Variants in GANAB observed in about 807,000 individuals in gnomAD.
GANAB encodes the protein neutral alpha-glucosidase AB.
In GANAB, 35 loss-of-function variants were observed where a neutral mutation model predicts 129.9. The observed-to-expected ratio is 0.27, with a 90% CI of 0.21 to 0.36. The LOEUF (loss-of-function observed/expected upper bound fraction) is 0.36, where lower values mean the gene tolerates loss of function less well. Ranked by LOEUF, GANAB falls within the 10% of genes least tolerant of loss-of-function variation. GANAB has a pLI of 1.00. For missense variants in GANAB, 939 were observed against 1,221.0 expected (o/e 0.77, Z 3.44); for synonymous variants, 482 against 451.8 (o/e 1.07, Z -0.85).
intron 17 of GANAB, among the ~76,000 whole-genome samples, chr11:62,627,970 G>A (rs536657138): frequency 6.6e-6 from 1 of 152,258 alleles, no homozygotes; most frequent in East Asian, 1.9e-4. Context: ...TTGCAACCCT[G>A]GCTTGCAAGG....
chr11:62,646,086 G>A (rs972902682), intron 1 of GANAB, among the ~76,000 whole-genome samples: 3 of 152,194 alleles, frequency 2.0e-5, no homozygotes, highest in Non-Finnish European at 4.4e-5. Context: ...GGGCAGAGGA[G>A]GATTCGGAGC....
At chr11:62,631,754 C>T (rs1238985401) in intron 9 of GANAB, among the ~76,000 whole-genome samples, 1 of 152,010 alleles carries the variant, frequency 6.6e-6, no homozygotes, top group Non-Finnish European at 1.5e-5. Flanking sequence ...AGCCACTGCA[C>T]CCGGCATCAT....
intron 15 of GANAB, 106 bp downstream of exon 15, chr11:62,629,482 G>C (rs1943558249): frequency 3.6e-6 from 3 of 841,428 alleles, no homozygotes; most frequent in African/African-American, 1.7e-5. Flanking sequence ...AGAGGAAACA[G>C]ATGCAGTGTG....
At chr11:62,640,228 C>CAAAAGAAAAAAAAAAAAA (rs1944172793) in intron 1 of GANAB, among the ~76,000 whole-genome samples, 1 of 28,022 alleles carries the variant, frequency 3.6e-5, no homozygotes, top group Non-Finnish European at 5.3e-5. Flanking sequence ...CAGAGCTAGA[C>CAAAAGAAAAAAAAAAAAA]AAAAAAAAAA....
In GANAB at chr11:62,630,513, C is replaced by G. The variant is rs1261003169; in HGVS notation, c.1387-8G>C. ...GTCTACGATGGCCACCAGCTGGGGG[C>G]AAGGAACAGGGGTGTTCAGGTCTCT... On this transcript the variant is annotated splice_region_variant and splice_polypyrimidine_tract_variant and intron_variant, in intron 11 of 23. Transcript: ENST00000356638. 1 of 1,614,046 alleles carries G rather than the reference C, an allele frequency of 6.2e-7. No individual in the cohort carries two copies. Among genetic ancestry groups the G allele is most frequent in the African/African-American group, 1.3e-5 (1 of 74,918 alleles).
chr11:62,639,242 T>C lies in GANAB; in HGVS notation c.252+117A>G, dbSNP rs372942427. The C allele has an allele frequency of 1.1e-4, 140 of 1,313,526 alleles. 1 individual carries two copies. The East Asian group carries it at 2.4e-3, about 23-fold the overall frequency. 81.4% of individuals were successfully genotyped at this position (1,313,526 alleles called of 1,614,324 possible). On this transcript the variant is annotated intron_variant, in intron 3 of 23. Transcript: ENST00000356638. Reference sequence around the variant, plus strand: ...TAAAGGCCAAGATCACATTTCTTCATAAAGTAAAAGTCCAAAGATTAGGCT... The same window carrying C: ...TAAAGGCCAAGATCACATTTCTTCACAAAGTAAAAGTCCAAAGATTAGGCT...
In GANAB at chr11:62,626,222, G is replaced by A. The variant is rs868572195; in HGVS notation, c.2625-57C>T. ...GGGAAAAATAACAGAACAGAAGGAA[G>A]GAGGAGACCCAAAGCAAGGTCAGAA... On this transcript the variant is annotated intron_variant, in intron 22 of 23. Transcript: ENST00000356638. 3.6e-6 allele frequency: 5 copies of A among 1,395,990 alleles called. No homozygotes were observed. In the African/African-American group the frequency reaches 7.1e-5, roughly 20 times the overall value. 86.5% of individuals were successfully genotyped at this position (1,395,990 alleles called of 1,614,324 possible). A position where few individuals can be genotyped will look rare whatever the true frequency, so the allele number is the denominator to read the frequency against.
intron 5 of GANAB, chr11:62,634,191 C>G: frequency 1.4e-6 from 1 of 712,824 alleles, no homozygotes; most frequent in Admixed American, 2.1e-5. Flanking sequence ...CATCACACAG[C>G]AGGGGAAAGT....
intron 9 of GANAB, among the ~76,000 whole-genome samples, chr11:62,631,837 G>A (rs1041092923): frequency 3.3e-5 from 5 of 149,994 alleles, no homozygotes; most frequent in African/African-American, 1.2e-4. Context: ...GGCTGGTCTC[G>A]AACTCCTGGC....
At chr11:62,646,361 G>T (rs564066880) in intron 1 of GANAB, among the ~76,000 whole-genome samples, 7 of 152,050 alleles carry the variant, frequency 4.6e-5, no homozygotes, top group Non-Finnish European at 8.8e-5. Flanking sequence ...CGGGAGCCCG[G>T]AGCCCCACAG....
chr11:62,640,044 G>C (rs1375389078), intron 1 of GANAB: 5 of 245,608 alleles, frequency 2.0e-5, no homozygotes, highest in Non-Finnish European at 4.0e-5. Context: ...GACCATCCTG[G>C]CTAACACGGT....
In GANAB at chr11:62,639,383, G is replaced by C. The variant is rs896960078; in HGVS notation, c.228C>G (p.Val76=). Residue 76 remains valine, a synonymous_variant, in exon 3 of 24, where the codon GTC becomes GTG. Coordinates refer to ENST00000356638, the MANE Select transcript of GANAB (RefSeq NM_198334.3). The stretch of plus-strand genomic sequence containing the variant: ...CCTTGGTGACCTCATGGATCAGATG[G>C]ACCGTGAGGGAATCAGGACCAAGCT... ...SLQLGPDSLT[V]HLIHEVTKVL... is the part of the protein sequence containing the mutation. 2 of 1,610,224 alleles carry C rather than the reference G, an allele frequency of 1.2e-6. No homozygotes were observed. Among genetic ancestry groups the C allele is most frequent in the East Asian group, 2.2e-5 (1 of 44,846 alleles).
At position 62,639,426 on chromosome 11, in the gene GANAB, G is replaced by C. The variant is rs1196706598; in HGVS notation, c.185C>G (p.Ala62Gly). The change falls in exon 3 of 24, where the codon GCC becomes GGC. Residue 62 changes from alanine (A) to glycine (G), a missense_variant. This residue lies in a region of GANAB where 321 missense variants were observed against 329.1 expected (regional missense o/e 0.98). Coordinates refer to ENST00000356638, the MANE Select transcript of GANAB (RefSeq NM_198334.3). ...SIRPGLSPYR[A>G]LLDSLQLGPD... ...ACCAAGCTGTAGAGAGTCCAGCAAGGCTCGGTATGGAGAGAGGCCTGGCCG... is the reference window on the plus strand; with the variant it reads ...ACCAAGCTGTAGAGAGTCCAGCAAGCCTCGGTATGGAGAGAGGCCTGGCCG... 1.9e-6 allele frequency: 3 copies of C among 1,613,754 alleles called. No homozygotes were observed. The highest frequency in any genetic ancestry group is 2.5e-6 in the Non-Finnish European group (3 of 1,179,852).
At position 62,625,923 on chromosome 11, in the gene GANAB, T is replaced by A; in HGVS notation, c.2727A>T (p.Gly909=). Residue 909 remains glycine, a splice_region_variant and synonymous_variant, in exon 24 of 24, where the codon GGA becomes GGT. Transcript: ENST00000356638. ...GGAAGGACAGGCGGCTTTCTGGAGA[T>A]CCTGGAGGAGGAATAAAAGAGTGCC... ...KPAAVVLQTK[G]SPESRLSFQH... 12 of 1,606,072 alleles carry A rather than the reference T, an allele frequency of 7.5e-6. No individual in the cohort carries two copies. Among genetic ancestry groups the A allele is most frequent in the Non-Finnish European group, 1.0e-5 (12 of 1,172,730 alleles).
At chr11:62,634,008 C>A in intron 5 of GANAB, 2 of 407,486 alleles carry the variant, frequency 4.9e-6, no homozygotes, top group Non-Finnish European at 8.9e-6. Flanking sequence ...GTAGCTCTGC[C>A]CAGAACCTCA....
At position 62,630,466 on chromosome 11, in the gene GANAB, C is replaced by T. The variant is rs369363596; in HGVS notation, c.1426G>A (p.Gly476Ser). 3.0e-5 allele frequency: 48 copies of T among 1,614,072 alleles called. No homozygotes were observed. The highest frequency in any genetic ancestry group is 1.2e-4 in the Admixed American group (7 of 60,010). Residue 476 changes from glycine to serine, a missense_variant, in exon 12 of 24, where the codon GGC (glycine) becomes AGC (serine). Around this residue, in one of 5 missense-constraint regions of GANAB, gnomAD observed 220 missense variants for 295.9 expected, o/e 0.74. Transcript: ENST00000356638. ...IVDPHIKVDS[G>S]YRVHEELRNL... ...CGCAGCTCCTCGTGAACTCGGTAGC[C>T]GGAGTCCACCTTGATGTGGGGGTCT... is the stretch of plus-strand genomic sequence containing the variant.
Position 62,646,582 on chromosome 11 carries a change from T to A in GANAB, c.18A>T (p.Ala6=). 1 of 1,613,826 alleles carries A rather than the reference T, an allele frequency of 6.2e-7. No individual in the cohort carries two copies. The highest frequency in any genetic ancestry group is 8.5e-7 in the Non-Finnish European group (1 of 1,179,944). ...CTCACCGCCTCCTACGCGCCGCCAC[T>A]GCCGCTACCGCCGCCATCTTGTGCA... The part of the protein sequence containing the change: MAAVA[A]VAARRRRSWA... The change falls in exon 1 of 24, where the codon GCA becomes GCT. Residue 6 remains alanine, a synonymous_variant. Transcript: ENST00000356638.
intron 1 of GANAB, among the ~76,000 whole-genome samples, chr11:62,641,900 TTTTG>T (rs1285179093): frequency 1.3e-5 from 2 of 151,742 alleles, no homozygotes; most frequent in Non-Finnish European, 2.9e-5. Context: ...AAGTTGTGGT[TTTTG>T]TTTTTTTTCT....
rs1480806193 is a variant in GANAB at position 62,626,655 on chromosome 11, G to A, written c.2427C>T (p.Ile809=). The A allele has an allele frequency of 1.2e-6, 2 of 1,608,758 alleles. No homozygotes were observed. The highest frequency in any genetic ancestry group is 2.7e-5 in the African/African-American group (2 of 74,824). ...SIPVFQRGGT[I]VPRWMRVRRS... Reference sequence around the variant, plus strand: ...GCCGCACTCGCATCCATCGAGGCACGATTGTCCCTCCACGCTGGAACACAG... The same window carrying A: ...GCCGCACTCGCATCCATCGAGGCACAATTGTCCCTCCACGCTGGAACACAG... The change falls in exon 21 of 24, where the codon ATC becomes ATT. Residue 809 remains isoleucine, a synonymous_variant. Transcript: ENST00000356638.
Sources: gnomAD v4.1 joint callset for allele counts (sites outside exome capture counted in the v4.1 genomes callset) on GRCh38, gnomAD v4.1.1 for gene constraint, gnomAD v4.1.1 regional missense constraint, MANE v1.5 for transcripts, NCBI Gene and HGNC (gene_info 2026-07-23, HGNC 2026-07-21) for gene names.